The following CFAP77 variants were observed in gnomAD, a reference collection of about 807,000 sequenced individuals.
CFAP77 encodes cilia- and flagella-associated protein 77.
Under a neutral mutation model 31.1 loss-of-function variants are expected in CFAP77, and 25 were observed. The ratio of observed to expected loss-of-function variants is 0.80; its 90% CI spans 0.59 to 1.12. CFAP77 has a LOEUF of 1.12. Ranked by LOEUF, CFAP77 falls within the 50% of genes most tolerant of loss-of-function variation. The probability of loss-of-function intolerance (pLI) is 0.00; values close to 1 mark genes in which losing one functional copy is unlikely to be tolerated. For synonymous variants in CFAP77, 151 were observed against 159.9 expected (o/e 0.94, Z 0.42); for missense variants, 377 against 397.3 (o/e 0.95, Z 0.44).
intron 1 of CFAP77, among the ~76,000 whole-genome samples, chr9:132,458,319 C>G (rs996266667): frequency 7.2e-6 from 1 of 139,364 alleles, no homozygotes; most frequent in Non-Finnish European, 1.5e-5. Flanking sequence ...CACCGACAGG[C>G]CTCTCCACCT....
rs757619435 is a variant in CFAP77 at position 132,410,428 on chromosome 9, G to C, written c.157G>C (p.Val53Leu). 1.9e-6 allele frequency: 3 copies of C among 1,597,498 alleles called. No individual in the cohort carries two copies. The highest frequency in any genetic ancestry group is 1.7e-6 in the Non-Finnish European group (2 of 1,173,714). The part of the protein sequence containing the change: ...SGMENERLGV[V>L]RDSMFQNPLI... ...CATGGAGAACGAGCGGCTGGGGGTC[G>C]TGCGGGACTCCATGTTTCAGAACCC... The change falls in exon 1 of 6, where the codon GTG becomes CTG. Residue 53 changes from valine to leucine, a missense_variant. By Grantham distance (32) the Val-to-Leu change is conservative. Coordinates refer to ENST00000393216, the MANE Select transcript of CFAP77 (RefSeq NM_001282957.2).
At chr9:132,556,962 T>A (rs1852915920) in intron 5 of CFAP77, among the ~76,000 whole-genome samples, 1 of 152,212 alleles carries the variant, frequency 6.6e-6, no homozygotes, top group Non-Finnish European at 1.5e-5. Context: ...CCTGTTGGGT[T>A]TAATGAGCCG....
At chr9:132,438,541 A>ATATATATATATATTTT in intron 1 of CFAP77, among the ~76,000 whole-genome samples, 2 of 108,152 alleles carry the variant, frequency 1.8e-5, no homozygotes, top group African/African-American at 8.2e-5. Context: ...ATATATATAT[A>ATATATATATATATTTT]TTTTTTTTTT....
chr9:132,559,819 C>T (rs1044724060), intron 5 of CFAP77, among the ~76,000 whole-genome samples: 1 of 152,224 alleles, frequency 6.6e-6, no homozygotes, highest in African/African-American at 2.4e-5. Flanking sequence ...TGTGGTCCAT[C>T]CATACAAAGG....
At chr9:132,467,741 T>C (rs1023538200) in intron 1 of CFAP77, among the ~76,000 whole-genome samples, 3 of 152,154 alleles carry the variant, frequency 2.0e-5, no homozygotes, top group Non-Finnish European at 4.4e-5. Flanking sequence ...CACACGGTAA[T>C]TCTATATTTA....
At chr9:132,447,739 T>C (rs753503698) in intron 1 of CFAP77, among the ~76,000 whole-genome samples, 2 of 151,974 alleles carry the variant, frequency 1.3e-5, no homozygotes, top group African/African-American at 2.4e-5. Flanking sequence ...GTTGAAAGAG[T>C]GGTTTTCTAG....
intron 1 of CFAP77, among the ~76,000 whole-genome samples, chr9:132,460,694 G>T (rs145065860): frequency 3.9e-5 from 6 of 152,216 alleles, no homozygotes; most frequent in Non-Finnish European, 8.8e-5. Flanking sequence ...CTAGATAGAG[G>T]TGATGGTTGT....
intron 3 of CFAP77, among the ~76,000 whole-genome samples, chr9:132,534,841 C>T (rs1012066091): frequency 3.9e-5 from 6 of 152,274 alleles, no homozygotes; most frequent in South Asian, 2.1e-4. Flanking sequence ...TTTCAACTCA[C>T]GGCCATTGTT....
chr9:132,533,934 G>A (rs935072522), intron 3 of CFAP77, among the ~76,000 whole-genome samples: 1 of 152,158 alleles, frequency 6.6e-6, no homozygotes, highest in Non-Finnish European at 1.5e-5. Flanking sequence ...CTGGTCTAGA[G>A]GCTTGATTAC....
intron 3 of CFAP77, among the ~76,000 whole-genome samples, chr9:132,504,992 G>A (rs898770699): frequency 6.6e-6 from 1 of 152,240 alleles, no homozygotes; most frequent in African/African-American, 2.4e-5. Context: ...CAGAGGAGGT[G>A]TTGGGGAGGT....
At chr9:132,431,516 G>A (rs556918086) in intron 1 of CFAP77, among the ~76,000 whole-genome samples, 8 of 152,234 alleles carry the variant, frequency 5.3e-5, no homozygotes, top group East Asian at 3.9e-4. Flanking sequence ...ATATGTTCTC[G>A]ATGAATGAAA....
At chr9:132,507,278 T>C (rs1486012367) in intron 3 of CFAP77, among the ~76,000 whole-genome samples, 1 of 152,198 alleles carries the variant, frequency 6.6e-6, no homozygotes, top group African/African-American at 2.4e-5. Flanking sequence ...AGTTGCTGAA[T>C]GAGTGCATGA....
chr9:132,544,011 G>A (rs981279460), intron 5 of CFAP77, among the ~76,000 whole-genome samples: 5 of 152,156 alleles, frequency 3.3e-5, no homozygotes, highest in Admixed American at 6.5e-5. Flanking sequence ...GCCTGGCCCC[G>A]GGAAGACAGC....
At chr9:132,553,668 T>C (rs997936024) in intron 5 of CFAP77, among the ~76,000 whole-genome samples, 5 of 152,152 alleles carry the variant, frequency 3.3e-5, no homozygotes, top group African/African-American at 4.8e-5. Flanking sequence ...AGGGTCTCGA[T>C]TGCACCCCAG....
At chr9:132,419,814 G>A (rs1589839051) in intron 1 of CFAP77, among the ~76,000 whole-genome samples, 1 of 152,110 alleles carries the variant, frequency 6.6e-6, no homozygotes, top group Admixed American at 6.5e-5. Flanking sequence ...TGTCCAAGAA[G>A]TTGTAGTCTG....
At chr9:132,544,617 C>T (rs1381862909) in intron 5 of CFAP77, among the ~76,000 whole-genome samples, 1 of 151,374 alleles carries the variant, frequency 6.6e-6, no homozygotes, top group Non-Finnish European at 1.5e-5. Flanking sequence ...GCCTCAGCCT[C>T]TTGAGTAGCT....
At chr9:132,415,120 C>G (rs543873695) in intron 1 of CFAP77, among the ~76,000 whole-genome samples, 1 of 152,224 alleles carries the variant, frequency 6.6e-6, no homozygotes, top group Non-Finnish European at 1.5e-5. Flanking sequence ...CATTCAATTA[C>G]AATGTAATAG....
intron 5 of CFAP77, among the ~76,000 whole-genome samples, chr9:132,571,731 T>C (rs1294168750): frequency 6.6e-6 from 1 of 152,160 alleles, no homozygotes; most frequent in Non-Finnish European, 1.5e-5. Flanking sequence ...TTTGTAGCAC[T>C]TGGAGGTGAT....
intron 4 of CFAP77, 75 bp from the exon 5 acceptor site, chr9:132,542,871 C>T: frequency 8.5e-7 from 1 of 1,170,458 alleles, no homozygotes; most frequent in Admixed American, 1.7e-5. Flanking sequence ...AGCCCTCTGT[C>T]TCTATATCCC....
Sources: allele counts gnomAD v4.1 joint callset (sites outside exome capture counted in the v4.1 genomes callset), GRCh38; gene constraint gnomAD v4.1.1; transcripts MANE v1.5; gene names NCBI Gene and HGNC (gene_info 2026-07-23, HGNC 2026-07-21).